Variants in ECM2 observed in about 807,000 individuals in gnomAD.
ECM2 encodes the protein extracellular matrix protein 2, also known as extracellular matrix protein 2, female organ and adipocyte specific.
Under a neutral mutation model 67.5 loss-of-function variants are expected in ECM2, and 57 were observed. The observed-to-expected ratio is 0.84, with a 90% CI of 0.68 to 1.05. ECM2 has a LOEUF of 1.05. Among genes scored for constraint, ECM2 ranks in the 50% least tolerant of loss-of-function variants. The probability of loss-of-function intolerance (pLI) is 0.00; values close to 1 mark genes in which losing one functional copy is unlikely to be tolerated. For missense variants in ECM2, 741 were observed against 822.8 expected (o/e 0.90, Z 1.22); for synonymous variants, 258 against 294.5 (o/e 0.88, Z 1.27).
the ECM2 span, among the ~76,000 whole-genome samples, chr9:92,555,582 G>T: frequency 6.6e-6 from 1 of 152,018 alleles, no homozygotes; most frequent in Admixed American, 6.6e-5. Flanking sequence ...GTCTGTTCAG[G>T]TTATCTAATT....
chr9:92,504,807 G>A (rs1846897382), intron 7 of ECM2, among the ~76,000 whole-genome samples: 1 of 152,192 alleles, frequency 6.6e-6, no homozygotes, highest in Non-Finnish European at 1.5e-5. Flanking sequence ...CCAGAGTGCT[G>A]GGATTACTGG....
At position 92,514,658 on chromosome 9, in the gene ECM2, G is replaced by A; in HGVS notation, c.1027C>T (p.Pro343Ser). 1 of 1,596,494 alleles carries A rather than the reference G, an allele frequency of 6.3e-7. No homozygotes were observed. Residue 343 changes from proline (P) to serine (S), a missense_variant, in exon 4 of 10, where the codon CCA becomes TCA. Transcript: ENST00000344604. ...GTGAGCTCCAGACTTGTTATCTGTGGTGCTGTCAGCGGTGGTATCTGGGTA... is the reference window on the plus strand; with the variant it reads ...GTGAGCTCCAGACTTGTTATCTGTGATGCTGTCAGCGGTGGTATCTGGGTA... Reference protein sequence around the residue: ...MLTQIPPLTAPQITSLELTGN... With the variant: ...MLTQIPPLTASQITSLELTGN...
At chr9:92,494,235 C>G (rs1399058661), downstream of ECM2, 6 of 1,415,358 alleles carry the variant, frequency 4.2e-6, no homozygotes, top group East Asian at 1.4e-4. Flanking sequence ...TCTGCTGACT[C>G]ACCTTATTCA....
At chr9:92,533,976 G>T (rs1849016131) in intron 1 of ECM2, among the ~76,000 whole-genome samples, 1 of 152,032 alleles carries the variant, frequency 6.6e-6, no homozygotes, top group Admixed American at 6.5e-5. Context: ...CTTGGTAAAA[G>T]AATGGAATGT....
At chr9:92,524,539 T>A (rs996718355) in intron 1 of ECM2, among the ~76,000 whole-genome samples, 2 of 152,188 alleles carry the variant, frequency 1.3e-5, no homozygotes, top group Admixed American at 6.5e-5. Flanking sequence ...CAGTTTTGAC[T>A]GCCTCTCAGA....
chr9:92,502,748 A>G (rs1413387235), intron 7 of ECM2, 96 bp from the exon 8 acceptor site: 2 of 1,013,072 alleles, frequency 2.0e-6, no homozygotes, highest in Non-Finnish European at 2.8e-6. Context: ...TATTATCATT[A>G]GTATTATCTA....
chr9:92,535,253 T>C (rs1849097295), intron 1 of ECM2, among the ~76,000 whole-genome samples: 1 of 152,240 alleles, frequency 6.6e-6, no homozygotes, highest in Admixed American at 6.5e-5. Context: ...CTCTCAATAC[T>C]AATTTTACTA....
rs143188728 is a variant in ECM2 at position 92,500,631 on chromosome 9, C to A, written c.1931+96G>T. On this transcript the variant is annotated intron_variant, in intron 9 of 9. Transcript: ENST00000344604. Reference sequence around the variant, plus strand: ...CAACCCCTTAGCACCATTTTTTTTTCCCTTAACGTAAATCCCAGAGATCAT... The same window carrying A: ...CAACCCCTTAGCACCATTTTTTTTTACCTTAACGTAAATCCCAGAGATCAT... 269 of 1,259,330 alleles carry A rather than the reference C, an allele frequency of 2.1e-4. No homozygotes were observed. The East Asian group carries it at 6.2e-3, about 29-fold the overall frequency. The allele number at this position is 1,259,330 out of a possible 1,614,324, so 78.0% of individuals were successfully genotyped here. A position where few individuals can be genotyped will look rare whatever the true frequency, so the allele number is the denominator to read the frequency against.
rs1846311214 is a variant in ECM2, at chr9:92,495,699, G to T, written c.*616C>A. On this transcript the variant is annotated 3_prime_UTR_variant, in exon 10 of 10. Transcript: ENST00000344604. Reference sequence around the variant, plus strand: ...GCCAGCTTTCCTTAATGTTAACAATGTACATAACCATAATATGATTTTCAA... The same window carrying T: ...GCCAGCTTTCCTTAATGTTAACAATTTACATAACCATAATATGATTTTCAA... 1.1e-6 allele frequency: 1 copy of T among 891,366 alleles called. No homozygotes were observed. The highest frequency in any genetic ancestry group is 1.2e-4 in the East Asian group (1 of 8,362). 55.2% of individuals were successfully genotyped at this position (891,366 alleles called of 1,614,324 possible).
the ECM2 span, among the ~76,000 whole-genome samples, chr9:92,555,214 A>ATTTTTT: frequency 1.7e-4 from 11 of 63,442 alleles, no homozygotes; most frequent in Admixed American, 2.3e-4. Context: ...TTTTTTGGAA[A>ATTTTTT]TTTTTTTTTT....
chr9:92,509,897 AC>A lies in ECM2; in HGVS notation c.1306+1del, dbSNP rs1376551869. 1.9e-6 allele frequency: 3 copies of A among 1,600,508 alleles called. No homozygotes were observed. The highest frequency in any genetic ancestry group is 3.6e-5 in the Admixed American group (2 of 55,658). On this transcript the variant is annotated splice_donor_variant, in intron 6 of 9. Transcript: ENST00000344604. LOFTEE classifies it high-confidence loss of function. Reference sequence around the variant, plus strand: ...TATCATTGAAAAACAAATATTAAATACCTGATAAACTTTCTTCATCGATAGC... The same window carrying A: ...TATCATTGAAAAACAAATATTAAATACTGATAAACTTTCTTCATCGATAGC...
chr9:92,551,839 T>C, the ECM2 span, among the ~76,000 whole-genome samples: 1 of 150,394 alleles, frequency 6.6e-6, no homozygotes, highest in Admixed American at 6.7e-5. Context: ...AGGTCATCCA[T>C]GGTGTGTGTA....
chr9:92,493,633 A>T (rs1588176988), downstream of ECM2: 1 of 152,742 alleles, frequency 6.5e-6, no homozygotes, highest in South Asian at 2.1e-4. Flanking sequence ...CAAACAGAAC[A>T]TCTGTTTTTT....
At chr9:92,520,182 G>T (rs1847977165) in intron 2 of ECM2, among the ~76,000 whole-genome samples, 1 of 151,422 alleles carries the variant, frequency 6.6e-6, no homozygotes, top group Admixed American at 6.6e-5. Flanking sequence ...TACTTGGGAG[G>T]CTGAGGCAGA....
chr9:92,517,776 ACT>A lies in ECM2; in HGVS notation c.390_391del (p.Arg130SerfsTer4). On this transcript the variant is annotated frameshift_variant, in exon 3 of 10. Transcript: ENST00000344604. LOFTEE classifies it high-confidence loss of function. ...ATGGCACATGGTTTCATCACAAAGA[ACT>A]CTTCCATCTGAGCAGAGGCAGGTAG... 1 of 1,614,132 alleles carries A rather than the reference ACT, an allele frequency of 6.2e-7. No individual in the cohort carries two copies. Among genetic ancestry groups the A allele is most frequent in the Non-Finnish European group, 8.5e-7 (1 of 1,180,030 alleles).
chr9:92,526,825 A>T (rs1848444227), intron 1 of ECM2, among the ~76,000 whole-genome samples: 2 of 152,182 alleles, frequency 1.3e-5, no homozygotes, highest in African/African-American at 2.4e-5. Flanking sequence ...TACAGTGTTT[A>T]TAAAATTTAC....
At chr9:92,502,447 AC>A in intron 8 of ECM2, 65 bp downstream of exon 8, 1 of 1,564,070 alleles carries the variant, frequency 6.4e-7, no homozygotes, top group Non-Finnish European at 8.7e-7. Flanking sequence ...CAGTTTCCAT[AC>A]TCTGTTTAAT....
At chr9:92,540,552 C>T (rs1186246977), upstream of ECM2, among the ~76,000 whole-genome samples, 2 of 151,728 alleles carry the variant, frequency 1.3e-5, no homozygotes, top group Non-Finnish European at 2.9e-5. Context: ...GTGGGTGGAT[C>T]ACAAGGTTAG....
At chr9:92,515,917 G>A (rs1383437094) in intron 3 of ECM2, among the ~76,000 whole-genome samples, 2 of 152,162 alleles carry the variant, frequency 1.3e-5, no homozygotes, top group African/African-American at 4.8e-5. Flanking sequence ...GATGGTGGGA[G>A]TAGAATAGAT....
Sources: allele counts gnomAD v4.1 joint callset (sites outside exome capture counted in the v4.1 genomes callset), GRCh38; gene constraint gnomAD v4.1.1; transcripts MANE v1.5; gene names NCBI Gene and HGNC (gene_info 2026-07-23, HGNC 2026-07-21).